The following SPTBN1 variants were observed in gnomAD, a reference collection of about 807,000 sequenced individuals.
The protein encoded by SPTBN1 is spectrin beta chain, non-erythrocytic 1.
A neutral mutation model predicts 266.4 loss-of-function variants in SPTBN1; 32 were observed. The observed-to-expected ratio is 0.12, with a 90% confidence interval of 0.09 to 0.16. SPTBN1 has a LOEUF of 0.16. Ranked by LOEUF, SPTBN1 falls within the 10% of genes least tolerant of loss-of-function variation. The pLI is 1.00. For synonymous variants in SPTBN1, 1,336 were observed against 1,162.2 expected (o/e 1.15, Z -3.04); for missense variants, 2,296 against 3,067.1 (o/e 0.75, Z 5.94).
In SPTBN1 at chr2:54,669,166, C is replaced by T. The variant is rs544253309; in HGVS notation, c.*597C>T. The stretch of plus-strand genomic sequence containing the variant: ...ACATGCGGCTTTTCTGCATCAACTG[C>T]TATGACGGTTAAGAATGTCAGTATA... On this transcript the variant is annotated 3_prime_UTR_variant, in exon 36 of 36. Coordinates refer to ENST00000356805, the MANE Select transcript of SPTBN1 (RefSeq NM_003128.3). 1 of 152,480 alleles carries T rather than the reference C, an allele frequency of 6.6e-6. No homozygotes were observed. The highest frequency in any genetic ancestry group is 1.9e-4 in the East Asian group (1 of 5,180). 9.4% of individuals were successfully genotyped at this position (152,480 alleles called of 1,614,324 possible).
At chr2:54,506,701 G>C (rs1213388330) in intron 1 of SPTBN1, among the ~76,000 whole-genome samples, 2 of 152,102 alleles carry the variant, frequency 1.3e-5, no homozygotes, top group Non-Finnish European at 2.9e-5. Flanking sequence ...TTCTTGGAGA[G>C]TACAGTATAC....
At chr2:54,491,345 A>G (rs2104016594) in intron 1 of SPTBN1, among the ~76,000 whole-genome samples, 1 of 152,290 alleles carries the variant, frequency 6.6e-6, no homozygotes, top group South Asian at 2.1e-4. Flanking sequence ...ACCATTCTAC[A>G]CTTAGGTAGA....
At chr2:54,472,460 T>A (rs1482979723) in intron 1 of SPTBN1, among the ~76,000 whole-genome samples, 1 of 152,222 alleles carries the variant, frequency 6.6e-6, no homozygotes, top group Non-Finnish European at 1.5e-5. Flanking sequence ...GAATCTTGTC[T>A]TAGCTGATTC....
intron 1 of SPTBN1, among the ~76,000 whole-genome samples, chr2:54,474,846 T>C (rs1667742931): frequency 6.6e-6 from 1 of 152,164 alleles, no homozygotes; most frequent in South Asian, 2.1e-4. Context: ...CATATGTTAC[T>C]TCTATAATTT....
At chr2:54,656,469 A>G (rs2104176262) in intron 29 of SPTBN1, among the ~76,000 whole-genome samples, 1 of 152,230 alleles carries the variant, frequency 6.6e-6, no homozygotes, top group East Asian at 1.9e-4. Context: ...TTTATTCCCC[A>G]AAGTGACCCT....
chr2:54,498,913 A>T (rs1287558812), intron 1 of SPTBN1, among the ~76,000 whole-genome samples: 1 of 152,188 alleles, frequency 6.6e-6, no homozygotes, highest in African/African-American at 2.4e-5. Context: ...TGGTTAAGGA[A>T]CTTTATAATA....
chr2:54,595,239 T>A (rs903887929), intron 2 of SPTBN1, among the ~76,000 whole-genome samples: 2 of 152,240 alleles, frequency 1.3e-5, no homozygotes, highest in Non-Finnish European at 2.9e-5. Flanking sequence ...GCACTTTACC[T>A]CCTCTTGTTT....
rs117149083 is a variant in SPTBN1 at position 54,458,492 on chromosome 2, G to A, written c.-48+1974G>A. ...AGGTAGCCAAGTTAAGTGTCCGGGC[G>A]TAATTAATGGGATTATGACAGTAAC... On this transcript the variant is annotated intron_variant, in intron 1 of 35. Coordinates refer to ENST00000356805, the MANE Select transcript of SPTBN1 (RefSeq NM_003128.3). Among the ~76,000 whole-genome samples the A allele has an allele frequency of 5.8e-3, 889 of 152,252 alleles. 29 individuals carry two copies. In the East Asian group the frequency reaches 0.068, roughly 12 times the overall value.
At chr2:54,666,244 G>T (rs564516347) in intron 34 of SPTBN1, among the ~76,000 whole-genome samples, 156 bp downstream of exon 34, 1 of 152,086 alleles carries the variant, frequency 6.6e-6, no homozygotes, top group Non-Finnish European at 1.5e-5. Flanking sequence ...CACGTGTCTC[G>T]GTTAGGCTGA....
intron 4 of SPTBN1, 100 bp downstream of exon 4, chr2:54,612,434 A>G: frequency 7.4e-7 from 1 of 1,351,160 alleles, no homozygotes. Flanking sequence ...GATCGGGAAG[A>G]CCAGGTTGAA....
intron 2 of SPTBN1, among the ~76,000 whole-genome samples, chr2:54,572,057 G>A (rs1177299174): frequency 1.3e-5 from 2 of 149,228 alleles, no homozygotes; most frequent in African/African-American, 5.0e-5. Flanking sequence ...AACTCTTGTG[G>A]TTGGACTCTC....
At chr2:54,511,836 A>C (rs1669872342) in intron 1 of SPTBN1, among the ~76,000 whole-genome samples, 1 of 152,062 alleles carries the variant, frequency 6.6e-6, no homozygotes, top group Admixed American at 6.6e-5. Context: ...ATGCCACTGC[A>C]CTCCAGCCTG....
intron 3 of SPTBN1, among the ~76,000 whole-genome samples, chr2:54,607,754 C>T (rs1469185084): frequency 6.6e-6 from 1 of 152,220 alleles, no homozygotes; most frequent in Non-Finnish European, 1.5e-5. Flanking sequence ...AATCAATCCC[C>T]TGTGGATACC....
chr2:54,605,015 G>T (rs546569961), intron 3 of SPTBN1, among the ~76,000 whole-genome samples: 7 of 152,180 alleles, frequency 4.6e-5, no homozygotes, highest in Non-Finnish European at 1.0e-4. Context: ...GGGGACGGAA[G>T]CATGCCGCAC....
At chr2:54,539,539 T>C (rs1671812078) in intron 2 of SPTBN1, among the ~76,000 whole-genome samples, 1 of 152,166 alleles carries the variant, frequency 6.6e-6, no homozygotes, top group Non-Finnish European at 1.5e-5. Context: ...TTGAGATATT[T>C]TCTGTGTACT....
chr2:54,660,064 A>C, intron 32 of SPTBN1, 65 bp downstream of exon 32: 1 of 1,614,244 alleles, frequency 6.2e-7, no homozygotes. Context: ...ACAGCCAGTG[A>C]CCAGCCATGG....
chr2:54,530,578 C>T (rs66693131), intron 2 of SPTBN1, among the ~76,000 whole-genome samples: 21,751 of 151,698 alleles, frequency 0.14, 1,643 homozygotes, highest in Middle Eastern at 0.19. Context: ...AGGACGGTCT[C>T]GATCTCCTGA....
chr2:54,644,617 G>GTATTTCTGTTTTACAGCCATAGTCCT, intron 20 of SPTBN1, 31 bp downstream of exon 20: 1 of 1,578,618 alleles, frequency 6.3e-7, no homozygotes, highest in Non-Finnish European at 8.6e-7. Context: ...GGACTTGGGT[G>GTATTTCTGTTTTACAGCCATAGTCCT]TATTTCTGTT....
intron 2 of SPTBN1, among the ~76,000 whole-genome samples, chr2:54,565,922 T>C (rs1216092025): frequency 1.3e-5 from 2 of 152,228 alleles, no homozygotes; most frequent in African/African-American, 4.8e-5. Flanking sequence ...AGTACAGCAA[T>C]TCAAGTAAGG....
Sources: gnomAD v4.1 joint callset for allele counts (sites outside exome capture counted in the v4.1 genomes callset) on GRCh38, gnomAD v4.1.1 for gene constraint, MANE v1.5 for transcripts, NCBI Gene and HGNC (gene_info 2026-07-23, HGNC 2026-07-21) for gene names.